The following ANK3 variants were observed in gnomAD, a reference collection of about 807,000 sequenced individuals.
ANK3 encodes ankyrin-3.
A neutral mutation model predicts 370.9 loss-of-function variants in ANK3; 57 were observed. The observed-to-expected ratio is 0.15, with a 90% CI of 0.12 to 0.19. The LOEUF (loss-of-function observed/expected upper bound fraction) is 0.19. Among genes scored for constraint, ANK3 ranks in the 10% least tolerant of loss-of-function variants. The pLI, the probability that ANK3 is intolerant of heterozygous loss-of-function variation, is 1.00. For missense variants in ANK3, 4,439 were observed against 5,302.1 expected (o/e 0.84, Z 5.06); for synonymous variants, 1,929 against 1,946.3 (o/e 0.99, Z 0.23).
chr10:60,545,061 C>G lies in ANK3; in HGVS notation c.96+70125G>C, dbSNP rs547708538. On this transcript the variant is annotated intron_variant, in intron 2 of 43. Coordinates refer to the ANK3 transcript ENST00000373827. ...TGATGTTTTAAAAACGTTAAACAACCATAATCAGTAAGTACGAAAGACCCA... is the reference window on the plus strand; with the variant it reads ...TGATGTTTTAAAAACGTTAAACAACGATAATCAGTAAGTACGAAAGACCCA... 0.02 allele frequency among the ~76,000 whole-genome samples: 6 copies of G among 296 alleles called. No homozygotes were observed. In the East Asian group the frequency reaches 0.43, roughly 21 times the overall value. The allele number at this position is 296 out of a possible 152,430, so 0.2% of individuals were successfully genotyped here. A position where few individuals can be genotyped will look rare whatever the true frequency, so the allele number is the denominator to read the frequency against.
At chr10:60,499,701 AG>A (rs888528943) in intron 2 of ANK3, among the ~76,000 whole-genome samples, 13 of 152,200 alleles carry the variant, frequency 8.5e-5, no homozygotes, top group Non-Finnish European at 1.2e-4. Context: ...CATTACTAAG[AG>A]GCCAACTCAA....
intron 1 of ANK3, among the ~76,000 whole-genome samples, chr10:60,348,521 T>C (rs1175635727): frequency 6.6e-6 from 1 of 152,122 alleles, no homozygotes; most frequent in Non-Finnish European, 1.5e-5. Context: ...ACAAATTAGA[T>C]ATTTAACTCA....
intron 25 of ANK3, 129 bp downstream of exon 25, chr10:60,134,142 G>T: frequency 4.1e-6 from 3 of 737,768 alleles, no homozygotes; most frequent in Non-Finnish European, 6.5e-6. Context: ...TAACTGGCTA[G>T]TACCAGAAGA....
At chr10:60,563,142 G>C (rs905396126) in intron 2 of ANK3, among the ~76,000 whole-genome samples, 13 of 152,206 alleles carry the variant, frequency 8.5e-5, no homozygotes, top group African/African-American at 2.9e-4. Flanking sequence ...AAAAAACCAA[G>C]CTTTATAAAT....
At chr10:60,379,632 G>A (rs895606525) in intron 1 of ANK3, among the ~76,000 whole-genome samples, 11 of 152,022 alleles carry the variant, frequency 7.2e-5, no homozygotes, top group Non-Finnish European at 1.3e-4. Context: ...GTTACACACT[G>A]CATGTTCTCA....
chr10:60,240,350 G>A (rs1176509972), intron 7 of ANK3, among the ~76,000 whole-genome samples: 1 of 142,396 alleles, frequency 7.0e-6, no homozygotes, highest in Non-Finnish European at 1.5e-5. Context: ...TGCTGCCCAG[G>A]CTGGAGTGCA....
chr10:60,648,829 C>T (rs1312085567), intron 1 of ANK3, among the ~76,000 whole-genome samples: 1 of 149,928 alleles, frequency 6.7e-6, no homozygotes, highest in Non-Finnish European at 1.5e-5. Flanking sequence ...CTTCCCACCC[C>T]AGATACACCC....
At chr10:60,451,987 G>C (rs189538814) in intron 2 of ANK3, among the ~76,000 whole-genome samples, 49 of 152,340 alleles carry the variant, frequency 3.2e-4, no homozygotes, top group Admixed American at 7.2e-4. Flanking sequence ...ACATGGATGT[G>C]AGGCGCATTC....
chr10:60,295,841 T>C (rs975894020), intron 1 of ANK3, among the ~76,000 whole-genome samples: 2 of 152,174 alleles, frequency 1.3e-5, no homozygotes, highest in Non-Finnish European at 2.9e-5. Context: ...TTATGAAACA[T>C]AACGGTATTT....
chr10:60,458,027 T>C (rs999161906), intron 2 of ANK3, among the ~76,000 whole-genome samples: 3 of 152,082 alleles, frequency 2.0e-5, no homozygotes, highest in African/African-American at 7.2e-5. Context: ...TTCACCCTTT[T>C]TATAAGGAAT....
intron 8 of ANK3, among the ~76,000 whole-genome samples, chr10:60,229,946 G>A (rs746382468): frequency 6.6e-6 from 1 of 152,176 alleles, no homozygotes; most frequent in African/African-American, 2.4e-5. Flanking sequence ...GATGCAGGCA[G>A]TGGCAACTCG....
chr10:60,218,129 G>A (rs1282594458), intron 8 of ANK3, among the ~76,000 whole-genome samples: 1 of 65,946 alleles, frequency 1.5e-5, no homozygotes, highest in African/African-American at 6.5e-5. Flanking sequence ...CTTTCCATTT[G>A]CTTGGTAAAT....
At chr10:60,108,113 G>T in intron 27 of ANK3, 2 of 383,100 alleles carry the variant, frequency 5.2e-6, no homozygotes, top group South Asian at 1.9e-5. Context: ...TCAGACCATG[G>T]GTGTGACAGA....
chr10:60,675,471 T>C (rs16915361), intron 1 of ANK3, among the ~76,000 whole-genome samples: 6,206 of 152,292 alleles, frequency 0.041, 160 homozygotes, highest in South Asian at 0.072. Context: ...CTTCTAAATT[T>C]GTGCAAAAGA....
At chr10:60,674,201 A>G (rs1033348149) in intron 1 of ANK3, among the ~76,000 whole-genome samples, 1 of 152,158 alleles carries the variant, frequency 6.6e-6, no homozygotes, top group African/African-American at 2.4e-5. Context: ...GTGAAATAAA[A>G]TGTTTAATTT....
intron 2 of ANK3, among the ~76,000 whole-genome samples, chr10:60,500,454 T>A (rs1440973676): frequency 6.6e-6 from 1 of 152,162 alleles, no homozygotes; most frequent in Non-Finnish European, 1.5e-5. Flanking sequence ...GGAAACCAGG[T>A]ACCTTGTGCA....
intron 1 of ANK3, among the ~76,000 whole-genome samples, chr10:60,305,648 G>A (rs1282787646): frequency 6.6e-6 from 1 of 152,148 alleles, no homozygotes; most frequent in African/African-American, 2.4e-5. Flanking sequence ...ACTTTCTGTG[G>A]TGCTCTTGAG....
chr10:60,141,324 C>G (rs2094546072), intron 23 of ANK3, among the ~76,000 whole-genome samples: 1 of 152,032 alleles, frequency 6.6e-6, no homozygotes, highest in Non-Finnish European at 1.5e-5. Flanking sequence ...TTCGAGAGGT[C>G]CCTGGAGGAA....
At chr10:60,468,133 C>A (rs1279664210) in intron 2 of ANK3, among the ~76,000 whole-genome samples, 1 of 151,822 alleles carries the variant, frequency 6.6e-6, no homozygotes, top group East Asian at 1.9e-4. Context: ...TACAGGCATG[C>A]ACCACCACGC....
Sources: allele counts gnomAD v4.1 joint callset (sites outside exome capture counted in the v4.1 genomes callset), GRCh38; gene constraint gnomAD v4.1.1; transcripts MANE v1.5; gene names NCBI Gene and HGNC (gene_info 2026-07-23, HGNC 2026-07-21).